MRAP2: variants seen among roughly 807,000 people sequenced by gnomAD.
MRAP2 encodes the protein melanocortin-2 receptor accessory protein 2.
A neutral mutation model predicts 17.4 loss-of-function variants in MRAP2; 20 were observed. The observed-to-expected ratio is 1.15, with a 90% CI of 0.81 to 1.67. The LOEUF (loss-of-function observed/expected upper bound fraction) is 1.67, where lower values mean the gene tolerates loss of function less well. Among genes scored for constraint, MRAP2 ranks in the 40% most tolerant of loss-of-function variants. The pLI is 0.00. For synonymous variants in MRAP2, 96 were observed against 88.4 expected (o/e 1.09, Z -0.48); for missense variants, 238 against 240.0 (o/e 0.99, Z 0.05).
downstream of MRAP2, among the ~76,000 whole-genome samples, chr6:84,091,846 C>T (rs903827230): frequency 6.6e-6 from 1 of 152,192 alleles, no homozygotes; most frequent in Non-Finnish European, 1.5e-5. Flanking sequence ...CATTACAGCA[C>T]AGCAGGCCAC....
chr6:84,104,548 A>G, the MRAP2 span, among the ~76,000 whole-genome samples: 5 of 152,056 alleles, frequency 3.3e-5, no homozygotes, highest in Non-Finnish European at 5.9e-5. Flanking sequence ...TACCCAAGTC[A>G]CCTCTTGAAT....
chr6:84,134,913 CATAT>C, the MRAP2 span, among the ~76,000 whole-genome samples: 4 of 89,548 alleles, frequency 4.5e-5, no homozygotes, highest in East Asian at 6.9e-4. Flanking sequence ...ATGAAAAGAT[CATAT>C]ATACACACAC....
chr6:84,086,955 C>A (rs2099500630), intron 3 of MRAP2, among the ~76,000 whole-genome samples: 1 of 152,208 alleles, frequency 6.6e-6, no homozygotes, highest in African/African-American at 2.4e-5. Flanking sequence ...GGCAGAAAAG[C>A]TATTTCTCAG....
rs547450159 is a variant in MRAP2 at position 84,042,317 on chromosome 6, C to T, written c.-8+8434C>T. 2.2e-3 allele frequency among the ~76,000 whole-genome samples: 338 copies of T among 152,212 alleles called. 14 individuals are homozygous for T. In the South Asian group the frequency reaches 0.065, roughly 29 times the overall value. ...ATAAATTACCCAGTCTCAGGTATGT[C>T]TTTATTAGCAGTATGAGAATGGACT... On this transcript the variant is annotated intron_variant, in intron 1 of 3. Transcript: ENST00000257776.
At chr6:84,138,720 CAATT>C in the MRAP2 span, among the ~76,000 whole-genome samples, 1 of 152,188 alleles carries the variant, frequency 6.6e-6, no homozygotes, top group Non-Finnish European at 1.5e-5. Context: ...AAATTAACAA[CAATT>C]AAGTTAACTA....
At chr6:84,064,112 C>T (rs972109088) in intron 3 of MRAP2, among the ~76,000 whole-genome samples, 8 of 151,236 alleles carry the variant, frequency 5.3e-5, no homozygotes, top group Admixed American at 1.3e-4. Flanking sequence ...GGGAAGAGGG[C>T]AACTACGCAG....
At chr6:84,117,332 CTTTT>C in the MRAP2 span, among the ~76,000 whole-genome samples, 2 of 152,062 alleles carry the variant, frequency 1.3e-5, no homozygotes, top group Non-Finnish European at 2.9e-5. Context: ...CTGAAGTTTC[CTTTT>C]TTTATTTTAT....
At chr6:84,129,495 T>C in the MRAP2 span, among the ~76,000 whole-genome samples, 3 of 152,218 alleles carry the variant, frequency 2.0e-5, no homozygotes, top group Non-Finnish European at 4.4e-5. Context: ...TTTTGAAAAG[T>C]GTCTGTCCAT....
chr6:84,122,855 A>AGACTT, the MRAP2 span, among the ~76,000 whole-genome samples: 2 of 152,154 alleles, frequency 1.3e-5, no homozygotes, highest in East Asian at 3.8e-4. Context: ...GAAGACTCGT[A>AGACTT]GACTTGACAA....
rs2099485295 is a variant in MRAP2 at position 84,034,083 on chromosome 6, A to T, written c.-8+200A>T. Among the ~76,000 whole-genome samples the T allele has an allele frequency of 2.0e-5, 3 of 151,710 alleles. No homozygotes were observed. In the South Asian group the frequency reaches 6.2e-4, roughly 32 times the overall value. On this transcript the variant is annotated intron_variant, in intron 1 of 3. Transcript: ENST00000257776. ...GAAGAGTGTGGACCCCGTGGAGAGCACCAAGTTTAAAACCTTCCCGGCAGC... is the reference window on the plus strand; with the variant it reads ...GAAGAGTGTGGACCCCGTGGAGAGCTCCAAGTTTAAAACCTTCCCGGCAGC...
rs905333783 is a variant in MRAP2, at chr6:84,089,380, G to A, written c.517G>A (p.Asp173Asn). The change falls in exon 4 of 4, where the codon GAC (aspartate) becomes AAC (asparagine). Residue 173 changes from aspartate to asparagine, a missense_variant. Transcript: ENST00000257776. ...TGACATCCCCAACTTTGTGAACACA[G>A]ACCAGAACTACTTTGGGGAGGATGA... The part of the protein sequence containing the change: ...KFDIPNFVNT[D>N]QNYFGEDDLL... 1 of 1,614,060 alleles carries A rather than the reference G, an allele frequency of 6.2e-7. No homozygotes were observed. The highest frequency in any genetic ancestry group is 1.3e-5 in the African/African-American group (1 of 74,930).
At chr6:84,127,274 C>T in the MRAP2 span, among the ~76,000 whole-genome samples, 16,228 of 152,050 alleles carry the variant, frequency 0.11, 1,360 homozygotes, top group African/African-American at 0.24. Context: ...ATGGATAGAA[C>T]TAACAATAAC....
chr6:84,077,122 A>G (rs1439155850), intron 3 of MRAP2, among the ~76,000 whole-genome samples: 2 of 152,238 alleles, frequency 1.3e-5, no homozygotes, highest in Non-Finnish European at 2.9e-5. Flanking sequence ...ATCAGTATAT[A>G]GAAGAGAAAG....
chr6:84,097,221 G>C, the MRAP2 span, among the ~76,000 whole-genome samples: 1 of 152,124 alleles, frequency 6.6e-6, no homozygotes, highest in East Asian at 1.9e-4. Flanking sequence ...TGTGTGTGTG[G>C]TGGGGTAGGG....
At chr6:84,117,885 G>T in the MRAP2 span, among the ~76,000 whole-genome samples, 22 of 152,278 alleles carry the variant, frequency 1.4e-4, no homozygotes, top group African/African-American at 5.3e-4. Context: ...CTGACTTGTT[G>T]TTGGGCCGAA....
At chr6:84,039,272 C>A (rs1562868969) in intron 1 of MRAP2, among the ~76,000 whole-genome samples, 1 of 152,160 alleles carries the variant, frequency 6.6e-6, no homozygotes, top group African/African-American at 2.4e-5. Context: ...TGTTTTCAGA[C>A]ATCAGCATAG....
At chr6:84,093,358 C>T (rs1419283763), downstream of MRAP2, among the ~76,000 whole-genome samples, 1 of 152,092 alleles carries the variant, frequency 6.6e-6, no homozygotes, top group Non-Finnish European at 1.5e-5. Context: ...GGTGCAGCTG[C>T]CTTGGTTTGT....
the MRAP2 span, among the ~76,000 whole-genome samples, chr6:84,136,782 T>A: frequency 1.3e-5 from 2 of 152,092 alleles, no homozygotes; most frequent in African/African-American, 4.8e-5. Flanking sequence ...GCTGAGAGAG[T>A]TTAAAGACAC....
the MRAP2 span, among the ~76,000 whole-genome samples, chr6:84,144,571 T>C: frequency 2.0e-5 from 3 of 152,110 alleles, no homozygotes; most frequent in Non-Finnish European, 2.9e-5. Flanking sequence ...GAAAGATTCA[T>C]GGAAAGCACT....
Sources: gnomAD v4.1 joint callset for allele counts (sites outside exome capture counted in the v4.1 genomes callset) on GRCh38, gnomAD v4.1.1 for gene constraint, MANE v1.5 for transcripts, NCBI Gene and HGNC (gene_info 2026-07-23, HGNC 2026-07-21) for gene names.